ADGRL3: variants seen among roughly 807,000 people sequenced by gnomAD.
ADGRL3 encodes the protein adhesion G protein-coupled receptor L3, also known as calcium-independent alpha-latrotoxin receptor 3.
ADGRL3 carries 62 observed loss-of-function variants against 153.5 expected under a neutral mutation model. That is an observed-to-expected ratio of 0.40 (90% CI 0.33 to 0.50). The LOEUF is 0.50. Among genes scored for constraint, ADGRL3 ranks in the 20% least tolerant of loss-of-function variants. The probability of loss-of-function intolerance (pLI) is 0.47; values close to 1 mark genes in which losing one functional copy is unlikely to be tolerated. For synonymous variants in ADGRL3, 710 were observed against 672.5 expected, an observed-to-expected ratio of 1.06 and a Z score of -0.86; for missense variants, 1,641 against 1,859.4, an observed-to-expected ratio of 0.88 and a Z score of 2.16.
intron 3 of ADGRL3, among the ~76,000 whole-genome samples, chr4:61,512,199 T>TA (rs1402120151): frequency 6.6e-6 from 1 of 152,210 alleles, no homozygotes; most frequent in African/African-American, 2.4e-5. Flanking sequence ...TGTAACTTTT[T>TA]AATATAATTT....
chr4:61,265,491 C>T (rs2092795192), intron 1 of ADGRL3, among the ~76,000 whole-genome samples: 1 of 151,810 alleles, frequency 6.6e-6, no homozygotes, highest in Non-Finnish European at 1.5e-5. Context: ...ACTAAAGTGG[C>T]TTTGAACAGT....
chr4:61,408,127 A>G (rs572098985), intron 2 of ADGRL3, among the ~76,000 whole-genome samples: 1 of 152,250 alleles, frequency 6.6e-6, no homozygotes, highest in Non-Finnish European at 1.5e-5. Flanking sequence ...ACCCAGTACT[A>G]TTTATAAGAT....
At chr4:61,250,755 T>G (rs1758920493) in intron 1 of ADGRL3, among the ~76,000 whole-genome samples, 1 of 152,160 alleles carries the variant, frequency 6.6e-6, no homozygotes, top group Non-Finnish European at 1.5e-5. Flanking sequence ...TACAAATAAC[T>G]CCAGGTAAAT....
In ADGRL3 at chr4:61,874,787, C is replaced by CT. The variant is rs1561398139; in HGVS notation, c.1481-17868dup. Among the ~76,000 whole-genome samples the CT allele has an allele frequency of 1.3e-3, 111 of 88,558 alleles. 1 individual carries two copies. The highest frequency in any genetic ancestry group is 3.3e-3 in the South Asian group (8 of 2,460). The allele number at this position is 88,558 out of a possible 152,430, so 58.1% of individuals were successfully genotyped here. ...AAATATTTTCAACGACATCAAAATGCTCTTTTTTTTTTTTTTTTTTTTTTT... is the reference window on the plus strand; with the variant it reads ...AAATATTTTCAACGACATCAAAATGCTTCTTTTTTTTTTTTTTTTTTTTTTT... On this transcript the variant is annotated intron_variant, in intron 9 of 26. Transcript: ENST00000683033.
chr4:61,276,933 A>C, intron 1 of ADGRL3, among the ~76,000 whole-genome samples: 1 of 152,280 alleles, frequency 6.6e-6, no homozygotes, highest in South Asian at 2.1e-4. Flanking sequence ...TACAAAAATT[A>C]ATGATTAAAA....
chr4:62,054,357 C>A (rs140265027), intron 25 of ADGRL3, among the ~76,000 whole-genome samples: 1 of 151,710 alleles, frequency 6.6e-6, no homozygotes, highest in African/African-American at 2.4e-5. Flanking sequence ...TGCTTTGAAG[C>A]AGATTCACCA....
intron 9 of ADGRL3, among the ~76,000 whole-genome samples, chr4:61,850,414 T>G (rs2098187876): frequency 6.6e-6 from 1 of 152,122 alleles, no homozygotes; most frequent in Admixed American, 6.6e-5. Context: ...ATAACTACTA[T>G]TAGTAAACTA....
chr4:61,567,591 C>T (rs892461158), intron 4 of ADGRL3, among the ~76,000 whole-genome samples: 10 of 152,126 alleles, frequency 6.6e-5, no homozygotes, highest in African/African-American at 2.4e-4. Flanking sequence ...GCCTCCAGAA[C>T]GATGAGAAGT....
At chr4:61,736,083 T>C (rs1021829293) in intron 8 of ADGRL3, among the ~76,000 whole-genome samples, 7 of 152,084 alleles carry the variant, frequency 4.6e-5, no homozygotes, top group African/African-American at 1.4e-4. Flanking sequence ...AAATGTATAG[T>C]CATATGTGTA....
chr4:61,352,610 C>T (rs2096072693), intron 1 of ADGRL3, among the ~76,000 whole-genome samples: 1 of 152,062 alleles, frequency 6.6e-6, no homozygotes, highest in Non-Finnish European at 1.5e-5. Context: ...GTCTTGCACG[C>T]CTGACCTCAG....
chr4:61,245,583 C>T (rs1006538435), intron 1 of ADGRL3, among the ~76,000 whole-genome samples: 4 of 152,004 alleles, frequency 2.6e-5, no homozygotes, highest in African/African-American at 7.2e-5. Context: ...ATGTCCTTGC[C>T]TCATTAATTG....
chr4:62,039,815 A>G (rs777941511), intron 24 of ADGRL3, among the ~76,000 whole-genome samples: 4 of 152,076 alleles, frequency 2.6e-5, no homozygotes, highest in African/African-American at 4.8e-5. Flanking sequence ...AAGATTCCCT[A>G]TATCATCCAG....
At chr4:61,242,066 C>T (rs1026170592) in intron 1 of ADGRL3, among the ~76,000 whole-genome samples, 9 of 151,992 alleles carry the variant, frequency 5.9e-5, no homozygotes, top group African/African-American at 9.7e-5. Flanking sequence ...CACTCTGTAC[C>T]GTTTCTTCAG....
At chr4:61,981,754 T>C (rs2099069172) in intron 18 of ADGRL3, among the ~76,000 whole-genome samples, 2 of 152,186 alleles carry the variant, frequency 1.3e-5, no homozygotes, top group South Asian at 2.1e-4. Flanking sequence ...TAGAAGGCTT[T>C]TGAGCATAAT....
intron 9 of ADGRL3, among the ~76,000 whole-genome samples, chr4:61,854,520 T>A (rs1471682397): frequency 2.0e-5 from 3 of 152,132 alleles, no homozygotes; most frequent in African/African-American, 7.2e-5. Context: ...TCCTAGAATA[T>A]AAAAATAAAG....
At chr4:61,609,917 A>G (rs1485844687) in intron 5 of ADGRL3, among the ~76,000 whole-genome samples, 1 of 151,966 alleles carries the variant, frequency 6.6e-6, no homozygotes, top group African/African-American at 2.4e-5. Flanking sequence ...GAAATGAAAG[A>G]TATATAATAG....
chr4:61,874,345 G>C (rs2098461804), intron 9 of ADGRL3, among the ~76,000 whole-genome samples: 1 of 152,090 alleles, frequency 6.6e-6, no homozygotes, highest in Non-Finnish European at 1.5e-5. Context: ...CAACATGTCA[G>C]CTTGTTTCTT....
intron 8 of ADGRL3, among the ~76,000 whole-genome samples, chr4:61,786,273 A>G (rs1453576446): frequency 6.6e-6 from 1 of 152,182 alleles, no homozygotes; most frequent in Non-Finnish European, 1.5e-5. Flanking sequence ...GCCAGTTTGT[A>G]GCATTTAGTC....
chr4:61,766,889 C>T (rs552711561), intron 8 of ADGRL3, among the ~76,000 whole-genome samples: 6 of 152,072 alleles, frequency 3.9e-5, no homozygotes, highest in South Asian at 4.2e-4. Context: ...GTTGATGAGG[C>T]GCAGATCCTG....
Sources: gnomAD v4.1 joint callset for allele counts (sites outside exome capture counted in the v4.1 genomes callset) on GRCh38, gnomAD v4.1.1 for gene constraint, MANE v1.5 for transcripts, NCBI Gene and HGNC (gene_info 2026-07-23, HGNC 2026-07-21) for gene names.